Variants in SORCS2 observed in about 807,000 individuals in gnomAD.
SORCS2 encodes the protein VPS10 domain-containing receptor SorCS2.
SORCS2 carries 100 observed loss-of-function variants against 141.6 expected under a neutral mutation model. That is an observed-to-expected ratio of 0.71 (90% CI 0.60 to 0.83). SORCS2 has a LOEUF of 0.83. Among genes scored for constraint, SORCS2 ranks in the 40% least tolerant of loss-of-function variants. The pLI, the probability that SORCS2 is intolerant of heterozygous loss-of-function variation, is 0.00. For synonymous variants in SORCS2, 789 were observed against 676.9 expected, an observed-to-expected ratio of 1.17 and a Z score of -2.57; for missense variants, 1,646 against 1,560.2, an observed-to-expected ratio of 1.05 and a Z score of -0.93.
chr4:7,413,391 C>CTTTTTTTTTTTGTTTTTTTTTTTT (rs1725451874), intron 2 of SORCS2, among the ~76,000 whole-genome samples: 1 of 84,836 alleles, frequency 1.2e-5, no homozygotes, highest in Non-Finnish European at 2.2e-5. Context: ...TTCACAGCTG[C>CTTTTTTTTTTTGTTTTTTTTTTTT]TTTTTTTTTT....
chr4:7,279,306 A>C (rs1223017659), intron 1 of SORCS2, among the ~76,000 whole-genome samples: 1 of 152,238 alleles, frequency 6.6e-6, no homozygotes. Context: ...CAGATAAAAT[A>C]CTTGCAGCGT....
intron 1 of SORCS2, among the ~76,000 whole-genome samples, chr4:7,198,580 C>T (rs1040423382): frequency 1.2e-4 from 18 of 152,126 alleles, no homozygotes; most frequent in African/African-American, 2.7e-4. Context: ...GCTGGGCCTC[C>T]GTCCAGAGGA....
intron 5 of SORCS2, among the ~76,000 whole-genome samples, chr4:7,659,406 G>A (rs1722010817): frequency 6.6e-6 from 1 of 152,154 alleles, no homozygotes; most frequent in Admixed American, 6.5e-5. Flanking sequence ...AGCGTATGAA[G>A]CCGTGACCCT....
chr4:7,701,979 C>T (rs897110525), intron 12 of SORCS2, among the ~76,000 whole-genome samples: 11 of 150,820 alleles, frequency 7.3e-5, no homozygotes, highest in African/African-American at 2.7e-4. Context: ...AGCCTCCTTC[C>T]TTATCCCGCC....
At chr4:7,346,637 G>T (rs555540005) in intron 1 of SORCS2, among the ~76,000 whole-genome samples, 2 of 152,352 alleles carry the variant, frequency 1.3e-5, no homozygotes, top group Admixed American at 6.5e-5. Flanking sequence ...GGACACTGAA[G>T]TCTTCAACTG....
chr4:7,485,041 G>C (rs1730888390), intron 2 of SORCS2, among the ~76,000 whole-genome samples: 1 of 152,176 alleles, frequency 6.6e-6, no homozygotes, highest in African/African-American at 2.4e-5. Context: ...TCATCCTCAG[G>C]GGGCGTTTGT....
At position 7,741,321 on chromosome 4, in the gene SORCS2, A is replaced by G; in HGVS notation, c.*1057A>G. 2.5e-6 allele frequency: 1 copy of G among 399,036 alleles called. No homozygotes were observed. Among genetic ancestry groups the G allele is most frequent in the Middle Eastern group, 6.2e-4 (1 of 1,610 alleles). The allele number at this position is 399,036 out of a possible 1,614,324, so 24.7% of individuals were successfully genotyped here. A position where few individuals can be genotyped will look rare whatever the true frequency, so the allele number is the denominator to read the frequency against. The stretch of plus-strand genomic sequence containing the variant: ...GAGGCCCAGGGAGGAGAGTAACTGA[A>G]GGTCACAGCACGGTCACAGCAGAGG... On this transcript the variant is annotated 3_prime_UTR_variant, in exon 27 of 27. Coordinates refer to ENST00000507866, the MANE Select transcript of SORCS2 (RefSeq NM_020777.3).
At chr4:7,238,257 T>C (rs114510792) in intron 1 of SORCS2, among the ~76,000 whole-genome samples, 2,954 of 151,792 alleles carry the variant, frequency 0.019, 99 homozygotes, top group African/African-American at 0.068. Context: ...TAATTAGATT[T>C]AATTAGAAGA....
At chr4:7,673,004 A>G (rs1454072269) in intron 8 of SORCS2, among the ~76,000 whole-genome samples, 1 of 152,264 alleles carries the variant, frequency 6.6e-6, no homozygotes, top group African/African-American at 2.4e-5. Flanking sequence ...AATATGTACA[A>G]TCACATATAC....
chr4:7,546,531 C>A (rs544632446), intron 3 of SORCS2, among the ~76,000 whole-genome samples: 2 of 151,928 alleles, frequency 1.3e-5, no homozygotes, highest in African/African-American at 2.4e-5. Context: ...GTCCTTCAAG[C>A]GGGAGAGGAG....
chr4:7,637,225 C>G (rs1261911236), intron 3 of SORCS2, among the ~76,000 whole-genome samples: 1 of 152,210 alleles, frequency 6.6e-6, no homozygotes, highest in Non-Finnish European at 1.5e-5. Flanking sequence ...ACCCACTGTG[C>G]TGCTGTCCGA....
intron 2 of SORCS2, among the ~76,000 whole-genome samples, chr4:7,422,259 G>C (rs1257275534): frequency 6.6e-6 from 1 of 152,118 alleles, no homozygotes. Flanking sequence ...TTGTCTCAGA[G>C]CCCAGCTCAG....
At chr4:7,282,757 C>T (rs912940909) in intron 1 of SORCS2, among the ~76,000 whole-genome samples, 10 of 152,102 alleles carry the variant, frequency 6.6e-5, no homozygotes, top group Non-Finnish European at 1.3e-4. Flanking sequence ...AGTCTCACCG[C>T]GAGGCTCAGC....
chr4:7,664,882 C>T lies in SORCS2; in HGVS notation c.1071+411C>T, dbSNP rs113774926. 0.011 allele frequency among the ~76,000 whole-genome samples: 1,615 copies of T among 152,362 alleles called. 14 individuals carry two copies. Among genetic ancestry groups the T allele is most frequent in the Non-Finnish European group, 0.018 (1,219 of 68,028 alleles). ...CTCTGCTGCCTGTGCCCTCAGGTCACAAGTGGGCCCACCCTCAGCAGCCAT... is the reference window on the plus strand; with the variant it reads ...CTCTGCTGCCTGTGCCCTCAGGTCATAAGTGGGCCCACCCTCAGCAGCCAT... On this transcript the variant is annotated intron_variant, in intron 7 of 26. Transcript: ENST00000507866. The surrounding 1 kb of genome is among the most constrained non-coding windows in gnomAD (Gnocchi z 4.7).
intron 7 of SORCS2, among the ~76,000 whole-genome samples, chr4:7,666,270 C>T (rs935983249): frequency 5.9e-5 from 9 of 152,034 alleles, no homozygotes; most frequent in African/African-American, 1.2e-4. Context: ...AGGGTGGTCT[C>T]GTTCTGCACA....
Position 7,594,511 on chromosome 4 carries a change from T to C in SORCS2, c.649-43817T>C, listed in dbSNP as rs559081078. On this transcript the variant is annotated intron_variant, in intron 3 of 26. Transcript: ENST00000507866. ...TGGCACTGTCCTGCCTGCTCCGGGG[T>C]GGGTGTGAGATCAGAGATTCATAGG... Among the ~76,000 whole-genome samples the C allele has an allele frequency of 9.2e-5, 14 of 152,256 alleles. No homozygotes were observed. In the East Asian group the frequency reaches 2.7e-3, roughly 30 times the overall value.
intron 2 of SORCS2, among the ~76,000 whole-genome samples, chr4:7,450,099 C>T (rs747660635): frequency 2.0e-5 from 3 of 152,230 alleles, no homozygotes; most frequent in Non-Finnish European, 2.9e-5. Flanking sequence ...CCCTTGGTGC[C>T]TTCGGGACCT....
chr4:7,228,512 C>T (rs1577299927), intron 1 of SORCS2, among the ~76,000 whole-genome samples: 1 of 152,210 alleles, frequency 6.6e-6, no homozygotes, highest in African/African-American at 2.4e-5. Flanking sequence ...TTGCCTTCTG[C>T]GTCCTCTCTT....
At chr4:7,303,153 G>A (rs988888651) in intron 1 of SORCS2, among the ~76,000 whole-genome samples, 1 of 152,140 alleles carries the variant, frequency 6.6e-6, no homozygotes, top group African/African-American at 2.4e-5. Context: ...GCGCCCAGAG[G>A]ACCTTTTTAA....
Sources: allele counts gnomAD v4.1 joint callset (sites outside exome capture counted in the v4.1 genomes callset), GRCh38; gene constraint gnomAD v4.1.1; non-coding constraint Gnocchi (gnomAD v3.1); transcripts MANE v1.5; gene names NCBI Gene and HGNC (gene_info 2026-07-23, HGNC 2026-07-21).